The following PI4K2B variants were observed in gnomAD, a reference collection of about 807,000 sequenced individuals.
The protein encoded by PI4K2B is phosphatidylinositol 4-kinase type 2 beta.
PI4K2B carries 46 observed loss-of-function variants against 56.6 expected under a neutral mutation model. That is an observed-to-expected ratio of 0.81 (90% CI 0.64 to 1.04). The LOEUF (loss-of-function observed/expected upper bound fraction) is 1.04. Ranked by LOEUF, PI4K2B falls within the 50% of genes least tolerant of loss-of-function variation. The pLI is 0.00. For missense variants in PI4K2B, 556 were observed against 607.7 expected (o/e 0.91, Z 0.89); for synonymous variants, 211 against 223.8 (o/e 0.94, Z 0.51).
At chr4:25,271,300 G>C (rs1384195922) in intron 9 of PI4K2B, among the ~76,000 whole-genome samples, 1 of 152,216 alleles carries the variant, frequency 6.6e-6, no homozygotes, top group African/African-American at 2.4e-5. Context: ...TGAGACAGAA[G>C]TTTTCGAAAA....
intron 1 of PI4K2B, among the ~76,000 whole-genome samples, chr4:25,241,676 C>A (rs1273130652): frequency 6.6e-6 from 1 of 152,170 alleles, no homozygotes; most frequent in Non-Finnish European, 1.5e-5. Context: ...GTTTCTGACA[C>A]CAAGACGGCC....
At chr4:25,247,621 G>A (rs1328926669) in intron 1 of PI4K2B, among the ~76,000 whole-genome samples, 2 of 152,236 alleles carry the variant, frequency 1.3e-5, no homozygotes, top group Non-Finnish European at 2.9e-5. Flanking sequence ...CTTAGAGAAA[G>A]TGGCATCCAG....
At chr4:25,266,939 A>G (rs1330190778) in intron 7 of PI4K2B, among the ~76,000 whole-genome samples, 1 of 151,680 alleles carries the variant, frequency 6.6e-6, no homozygotes, top group Non-Finnish European at 1.5e-5. Flanking sequence ...TAAATAGAGA[A>G]GAGAAAGGAC....
At chr4:25,266,717 G>C (rs1716675056) in intron 7 of PI4K2B, among the ~76,000 whole-genome samples, 1 of 152,112 alleles carries the variant, frequency 6.6e-6, no homozygotes, top group African/African-American at 2.4e-5. Flanking sequence ...AATTGGTAGT[G>C]GGGATATAGT....
chr4:25,256,732 C>G, intron 4 of PI4K2B, 58 bp downstream of exon 4: 8 of 1,503,894 alleles, frequency 5.3e-6, no homozygotes, highest in Non-Finnish European at 6.4e-6. Context: ...ATCCTGAGCT[C>G]TAGGAGCCAG....
At chr4:25,272,448 C>T (rs1716936175) in intron 9 of PI4K2B, among the ~76,000 whole-genome samples, 1 of 152,068 alleles carries the variant, frequency 6.6e-6, no homozygotes, top group Non-Finnish European at 1.5e-5. Flanking sequence ...GATAATATGT[C>T]CTGACCATGT....
intron 1 of PI4K2B, among the ~76,000 whole-genome samples, chr4:25,245,451 G>A (rs1419078911): frequency 6.6e-6 from 1 of 151,836 alleles, no homozygotes; most frequent in Admixed American, 6.5e-5. Context: ...GGTCAACCAA[G>A]TTGTTGGTAC....
intron 7 of PI4K2B, among the ~76,000 whole-genome samples, chr4:25,268,239 C>G (rs549659391): frequency 1.2e-4 from 18 of 152,290 alleles, no homozygotes; most frequent in African/African-American, 4.1e-4. Flanking sequence ...CTGTCTAAAA[C>G]TCAGAGACAT....
chr4:25,270,611 G>A (rs1214173956), intron 9 of PI4K2B, among the ~76,000 whole-genome samples: 2 of 152,116 alleles, frequency 1.3e-5, no homozygotes, highest in Non-Finnish European at 2.9e-5. Flanking sequence ...CTCCCAAAGT[G>A]CTAGGATTAC....
chr4:25,268,967 C>T (rs942487104), intron 8 of PI4K2B, among the ~76,000 whole-genome samples, 177 bp from the exon 9 acceptor site: 2 of 152,078 alleles, frequency 1.3e-5, no homozygotes, highest in East Asian at 1.9e-4. Context: ...TAAGTCTATT[C>T]GTGTCATTCT....
chr4:25,243,863 G>T (rs1385068811), intron 1 of PI4K2B, among the ~76,000 whole-genome samples: 2 of 152,190 alleles, frequency 1.3e-5, no homozygotes, highest in Non-Finnish European at 2.9e-5. Flanking sequence ...ATCTGGTCAA[G>T]GTCCCAGTGG....
chr4:25,276,530 G>C (rs772143195), intron 9 of PI4K2B: 37 of 438,686 alleles, frequency 8.4e-5, no homozygotes, highest in Non-Finnish European at 1.1e-4. Flanking sequence ...CAGCAAGTTT[G>C]CTTGTTTTTT....
chr4:25,275,399 C>T (rs1285230189), intron 9 of PI4K2B, among the ~76,000 whole-genome samples: 3 of 152,172 alleles, frequency 2.0e-5, no homozygotes, highest in Non-Finnish European at 2.9e-5. Context: ...TGTGGTGGCT[C>T]ATGCCTATAA....
chr4:25,248,505 T>G (rs930256045), intron 1 of PI4K2B, among the ~76,000 whole-genome samples: 1 of 151,920 alleles, frequency 6.6e-6, no homozygotes, highest in African/African-American at 2.4e-5. Flanking sequence ...GGTTAGAGAT[T>G]GGGTAAGGGT....
At chr4:25,267,667 C>A in intron 7 of PI4K2B, 2 of 489,184 alleles carry the variant, frequency 4.1e-6, no homozygotes, top group Non-Finnish European at 5.3e-6. Flanking sequence ...AAACCTTACA[C>A]TCTTGCAGGA....
At position 25,263,741 on chromosome 4, in the gene PI4K2B, A is replaced by C. The variant is rs376619053; in HGVS notation, c.979-9A>C. Reference sequence around the variant, plus strand: ...TCTTTTATCAACATATCATTTTTCTACTCTATAGGAATCAAAATGGATTGA... The same window carrying C: ...TCTTTTATCAACATATCATTTTTCTCCTCTATAGGAATCAAAATGGATTGA... On this transcript the variant is annotated splice_polypyrimidine_tract_variant and intron_variant, in intron 6 of 9. Transcript: ENST00000264864. 229 of 1,026,040 alleles carry C rather than the reference A, an allele frequency of 2.2e-4. No homozygotes were observed. The highest frequency in any genetic ancestry group is 1.6e-3 in the Middle Eastern group (8 of 4,892). 63.6% of individuals were successfully genotyped at this position (1,026,040 alleles called of 1,614,324 possible).
Position 25,266,338 on chromosome 4 carries a change from C to T in PI4K2B, c.1079-2105C>T, listed in dbSNP as rs186003443. ...CACGCCATCACACTCAGCTAATCTA[C>T]TTTTATTTTTAACTTTTATCATTTT... is the stretch of plus-strand genomic sequence containing the variant. On this transcript the variant is annotated intron_variant, in intron 7 of 9. Transcript: ENST00000264864. Among the ~76,000 whole-genome samples the T allele has an allele frequency of 2.4e-3, 371 of 152,282 alleles. 5 individuals are homozygous for T. Among genetic ancestry groups the T allele is most frequent in the East Asian group, 0.021 (111 of 5,180 alleles).
At chr4:25,265,063 C>A (rs1716613940) in intron 7 of PI4K2B, among the ~76,000 whole-genome samples, 1 of 151,676 alleles carries the variant, frequency 6.6e-6, no homozygotes, top group South Asian at 2.1e-4. Context: ...GGTGTGGTGA[C>A]ACATGCCTGT....
At chr4:25,251,251 A>T (rs1158691665) in intron 1 of PI4K2B, among the ~76,000 whole-genome samples, 1 of 152,102 alleles carries the variant, frequency 6.6e-6, no homozygotes, top group Non-Finnish European at 1.5e-5. Context: ...GTATTTTGTG[A>T]TTGCTGCTTA....
Sources: gnomAD v4.1 joint callset for allele counts (sites outside exome capture counted in the v4.1 genomes callset) on GRCh38, gnomAD v4.1.1 for gene constraint, MANE v1.5 for transcripts, NCBI Gene and HGNC (gene_info 2026-07-23, HGNC 2026-07-21) for gene names.